Variants in ABCB9 observed in about 807,000 individuals in gnomAD.
ABCB9 encodes ABC-type oligopeptide transporter ABCB9.
Under a neutral mutation model 62.0 loss-of-function variants are expected in ABCB9, and 36 were observed. The ratio of observed to expected loss-of-function variants is 0.58; its 90% CI spans 0.45 to 0.77. The LOEUF (loss-of-function observed/expected upper bound fraction) is 0.77, where lower values mean the gene tolerates loss of function less well. Ranked by LOEUF, ABCB9 falls within the 30% of genes least tolerant of loss-of-function variation. The pLI is 0.00. For synonymous variants in ABCB9, 435 were observed against 461.4 expected (o/e 0.94, Z 0.73); for missense variants, 943 against 1,054.7 (o/e 0.89, Z 1.47).
At chr12:122,946,570 C>T in intron 5 of ABCB9, 1 of 310,846 alleles carries the variant, frequency 3.2e-6, no homozygotes, top group Non-Finnish European at 6.2e-6. Flanking sequence ...ACACCTGACC[C>T]TGTGCTGGAA....
At chr12:122,948,438 GT>G in intron 5 of ABCB9, 185 bp downstream of exon 5, 2 of 584,194 alleles carry the variant, frequency 3.4e-6, no homozygotes, top group Non-Finnish European at 5.6e-6. Flanking sequence ...ATGTATCCCA[GT>G]GCCTGGGACA....
rs549074941 is a variant in ABCB9, at chr12:122,932,386, G to A, written c.1904-58C>T. On this transcript the variant is annotated intron_variant, in intron 10 of 11. Coordinates refer to ENST00000280560, the MANE Select transcript of ABCB9 (RefSeq NM_019625.4). This position sits in a 1 kb window ranked among gnomAD's most constrained non-coding sequence, Gnocchi z 4.7. ...ATGGGTGAGGCCGGGCAGCACCGGG[G>A]AAGAGTGAGAGGCCCTGCCCTGCAG... is the stretch of plus-strand genomic sequence containing the variant. 39 of 1,509,852 alleles carry A rather than the reference G, an allele frequency of 2.6e-5. No individual in the cohort carries two copies. Among genetic ancestry groups the A allele is most frequent in the Non-Finnish European group, 3.2e-5 (36 of 1,122,700 alleles). 93.5% of individuals were successfully genotyped at this position (1,509,852 alleles called of 1,614,324 possible). A position where few individuals can be genotyped will look rare whatever the true frequency, so the allele number is the denominator to read the frequency against.
intron 1 of ABCB9, among the ~76,000 whole-genome samples, chr12:122,972,274 A>T (rs1264211793): frequency 6.6e-6 from 1 of 152,146 alleles, no homozygotes; most frequent in South Asian, 2.1e-4. Context: ...TGGCCTCCCA[A>T]AGTGCTAGGA....
At chr12:122,936,029 G>C (rs2035441067) in intron 9 of ABCB9, among the ~76,000 whole-genome samples, 1 of 151,864 alleles carries the variant, frequency 6.6e-6, no homozygotes, top group Non-Finnish European at 1.5e-5. Context: ...AACACAGAAA[G>C]ACCCCATATC....
chr12:122,935,788 C>G (rs1247175925), intron 9 of ABCB9, among the ~76,000 whole-genome samples: 1 of 152,208 alleles, frequency 6.6e-6, no homozygotes, highest in Non-Finnish European at 1.5e-5. Context: ...TCTCAGGAAG[C>G]AAGAGGCCAC....
At chr12:122,968,580 A>T (rs532206858), upstream of ABCB9, among the ~76,000 whole-genome samples, 1 of 147,250 alleles carries the variant, frequency 6.8e-6, no homozygotes, top group Non-Finnish European at 1.5e-5. Context: ...CTTCACATGG[A>T]TGTTGCTTTC....
chr12:122,925,630 C>T (rs1450930503), downstream of ABCB9, among the ~76,000 whole-genome samples: 1 of 151,816 alleles, frequency 6.6e-6, no homozygotes, highest in African/African-American at 2.4e-5. Flanking sequence ...CGCCTCTAGT[C>T]GCAGCTACTC....
rs1347665843 is a variant in ABCB9 at position 122,974,944 on chromosome 12, T to C, written c.-317A>G. ...GGGTCGGCGTTTAAGTCAAAGGCCT[T>C]GGGGCTCCGAGTCCCTTCCTCTCCC... On this transcript the variant is annotated 5_prime_UTR_variant, in exon 1 of 12. Transcript: ENST00000392439. The C allele has an allele frequency of 9.7e-5, 25 of 258,620 alleles. No individual in the cohort carries two copies. The East Asian group carries it at 1.8e-3, about 19-fold the overall frequency. The allele number at this position is 258,620 out of a possible 1,614,324, so 16.0% of individuals were successfully genotyped here.
rs1425721762 is a variant in ABCB9, at chr12:122,935,347, C to T, written c.1828G>A (p.Glu610Lys). The T allele has an allele frequency of 1.9e-6, 3 of 1,613,966 alleles. No individual in the cohort carries two copies. The highest frequency in any genetic ancestry group is 2.5e-6 in the Non-Finnish European group (3 of 1,180,014). ...TTCTGTGCGGCCTCCACCACCATCT[C>T]GAAAGGCACAGTGGGCAGGCCGTAG... ...ISYGLPTVPF[E>K]MVVEAAQKAN... The change falls in exon 10 of 12, where the codon GAG becomes AAG. Residue 610 changes from glutamate (E) to lysine (K), a missense_variant. Physicochemically the swap from Glu to Lys is moderately conservative, Grantham distance 56. Transcript: ENST00000280560.
downstream of ABCB9, among the ~76,000 whole-genome samples, chr12:122,926,167 A>C (rs912585147): frequency 2.6e-5 from 4 of 152,182 alleles, no homozygotes; most frequent in African/African-American, 9.7e-5. Context: ...GATAATGATG[A>C]TGGTTACACA....
rs755843136 is a variant in ABCB9 at position 122,960,053 on chromosome 12, C to G, written c.183G>C (p.Leu61=). 6.2e-7 allele frequency: 1 copy of G among 1,613,536 alleles called. No homozygotes were observed. The highest frequency in any genetic ancestry group is 1.1e-5 in the South Asian group (1 of 91,088). Residue 61 remains leucine (L), a synonymous_variant, in exon 2 of 12, where the codon CTG becomes CTC. Coordinates refer to ENST00000280560, the MANE Select transcript of ABCB9 (RefSeq NM_019625.4). ...TGGCCACACCAATGGTGGCTCCCAGCAGCAGGCAGCTGCGGTACAGGCAGG... is the reference window on the plus strand; with the variant it reads ...TGGCCACACCAATGGTGGCTCCCAGGAGCAGGCAGCTGCGGTACAGGCAGG... ...WAACLYRSCL[L]LGATIGVAKN...
At position 122,929,612 on chromosome 12, in the gene ABCB9, C is replaced by T. The variant is rs1394898713; in HGVS notation, c.*299G>A. The T allele has an allele frequency of 5.9e-6, 7 of 1,196,380 alleles. No individual in the cohort carries two copies. The highest frequency in any genetic ancestry group is 7.2e-6 in the Non-Finnish European group (7 of 965,518). 74.1% of individuals were successfully genotyped at this position (1,196,380 alleles called of 1,614,324 possible). ...GAAATCTAGGAGTTGACTGGGGTGCCTCAAACCAAACAGTAAAAACCCTGG... is the reference window on the plus strand; with the variant it reads ...GAAATCTAGGAGTTGACTGGGGTGCTTCAAACCAAACAGTAAAAACCCTGG... On this transcript the variant is annotated 3_prime_UTR_variant, in exon 12 of 12. Coordinates refer to ENST00000280560, the MANE Select transcript of ABCB9 (RefSeq NM_019625.4). The surrounding 1 kb of genome is among the most constrained non-coding windows in gnomAD (Gnocchi z 6.0).
intron 1 of ABCB9, among the ~76,000 whole-genome samples, chr12:122,972,697 G>A (rs1356102893): frequency 6.6e-6 from 1 of 151,962 alleles, no homozygotes; most frequent in African/African-American, 2.4e-5. Flanking sequence ...ATTTTTAGTA[G>A]AGACGGGGTT....
chr12:122,965,979 T>C (rs2037150312), intron 1 of ABCB9, among the ~76,000 whole-genome samples: 1 of 152,192 alleles, frequency 6.6e-6, no homozygotes, highest in South Asian at 2.1e-4. Context: ...GCCAGCCCCG[T>C]CCTGGGGGAA....
In ABCB9 at chr12:122,940,229, C is replaced by G. The variant is rs1004903252; in HGVS notation, c.1625G>C (p.Gly542Ala). 1 of 1,611,726 alleles carries G rather than the reference C, an allele frequency of 6.2e-7. No individual in the cohort carries two copies. The highest frequency in any genetic ancestry group is 8.5e-7 in the Non-Finnish European group (1 of 1,178,636). ...GKVTALVGPS[G>A]SGKSSCVNIL... ...GTTGACACAGGAGCTCTTCCCACTG[C>G]CCGAGGGCCCCACCAGGGCCGTCAC... The change falls in exon 9 of 12, where the codon GGC becomes GCC. Residue 542 changes from glycine to alanine, a missense_variant. Coordinates refer to ENST00000280560, the MANE Select transcript of ABCB9 (RefSeq NM_019625.4). The surrounding 1 kb of genome is among the most constrained non-coding windows in gnomAD (Gnocchi z 4.8).
At chr12:122,935,570 G>T in intron 9 of ABCB9, 139 bp from the exon 10 acceptor site, 1 of 998,660 alleles carries the variant, frequency 1.0e-6, no homozygotes, top group Non-Finnish European at 1.4e-6. Flanking sequence ...ACTGCACTGA[G>T]CTGCCTCTCT....
At chr12:122,971,084 G>A (rs537135684), upstream of ABCB9, among the ~76,000 whole-genome samples, 3 of 152,254 alleles carry the variant, frequency 2.0e-5, no homozygotes, top group Admixed American at 2.0e-4. Context: ...TACTGTAATG[G>A]TAGATGCATG....
chr12:122,920,518 AG>A (rs1263254110), downstream of ABCB9, among the ~76,000 whole-genome samples: 1 of 152,164 alleles, frequency 6.6e-6, no homozygotes, highest in Non-Finnish European at 1.5e-5. Flanking sequence ...TAATTTTTGC[AG>A]GTTACTTAAC....
intron 10 of ABCB9, among the ~76,000 whole-genome samples, chr12:122,934,513 AC>A (rs1048349541): frequency 1.3e-5 from 2 of 151,250 alleles, no homozygotes; most frequent in Admixed American, 6.6e-5. Flanking sequence ...ACATAGCAAG[AC>A]CCCGTCTCTA....
Sources: gnomAD v4.1 joint callset for allele counts (sites outside exome capture counted in the v4.1 genomes callset) on GRCh38, gnomAD v4.1.1 for gene constraint, Gnocchi (gnomAD v3.1) non-coding constraint, MANE v1.5 for transcripts, NCBI Gene and HGNC (gene_info 2026-07-23, HGNC 2026-07-21) for gene names.